Variants in NSMCE2 observed in about 807,000 individuals in gnomAD.
The protein encoded by NSMCE2 is E3 SUMO-protein ligase NSE2.
A neutral mutation model predicts 23.8 loss-of-function variants in NSMCE2; 24 were observed. That is an observed-to-expected ratio of 1.01 (90% CI 0.73 to 1.42). The LOEUF is 1.42. Among genes scored for constraint, NSMCE2 ranks in the 40% most tolerant of loss-of-function variants. NSMCE2 has a pLI of 0.00. For synonymous variants in NSMCE2, 92 were observed against 94.1 expected (o/e 0.98, Z 0.13); for missense variants, 284 against 296.5 (o/e 0.96, Z 0.31).
chr8:125,252,132 A>T (rs1826221541), intron 5 of NSMCE2, among the ~76,000 whole-genome samples: 1 of 152,216 alleles, frequency 6.6e-6, no homozygotes, highest in Admixed American at 6.5e-5. Context: ...AGAGGATAGC[A>T]CCAATTCTGG....
At chr8:125,149,110 C>A (rs78392402) in intron 3 of NSMCE2, among the ~76,000 whole-genome samples, 1 of 152,052 alleles carries the variant, frequency 6.6e-6, no homozygotes, top group Non-Finnish European at 1.5e-5. Flanking sequence ...CCTTTTCTCA[C>A]GCACCATTTT....
chr8:125,161,053 T>C (rs1821592097), intron 4 of NSMCE2, among the ~76,000 whole-genome samples: 1 of 152,142 alleles, frequency 6.6e-6, no homozygotes, highest in Non-Finnish European at 1.5e-5. Context: ...TGTGAATGGA[T>C]TTTATTTTTT....
intron 5 of NSMCE2, among the ~76,000 whole-genome samples, chr8:125,196,762 T>G (rs1253681683): frequency 6.6e-6 from 1 of 152,224 alleles, no homozygotes; most frequent in East Asian, 1.9e-4. Context: ...TTCTAGATCC[T>G]TGAGGAATTG....
intron 5 of NSMCE2, among the ~76,000 whole-genome samples, chr8:125,339,559 A>G (rs1830167132): frequency 6.6e-6 from 1 of 152,200 alleles, no homozygotes; most frequent in Admixed American, 6.5e-5. Flanking sequence ...AGATGCTCCT[A>G]TTCCCTAGTG....
chr8:125,101,928 A>C lies in NSMCE2; in HGVS notation c.-110-123A>C, dbSNP rs113308628. ...TTACAGGTTTTCAAAATAGTTTACTAATAAACTATTTTATTAGTATTTTTT... is the reference window on the plus strand; with the variant it reads ...TTACAGGTTTTCAAAATAGTTTACTCATAAACTATTTTATTAGTATTTTTT... On this transcript the variant is annotated intron_variant, in intron 1 of 7. Transcript: ENST00000287437. The C allele has an allele frequency of 6.7e-3, 1,049 of 156,240 alleles. 20 individuals are homozygous for C. The highest frequency in any genetic ancestry group is 0.024 in the African/African-American group (999 of 41,622). The allele number at this position is 156,240 out of a possible 1,614,324, so 9.7% of individuals were successfully genotyped here.
intron 5 of NSMCE2, among the ~76,000 whole-genome samples, chr8:125,337,835 C>G (rs190966430): frequency 1.5e-4 from 20 of 133,904 alleles, no homozygotes; most frequent in African/African-American, 5.2e-4. Flanking sequence ...GTGGAGGTTG[C>G]GGTGAGCCAA....
chr8:125,215,042 T>TTTA (rs56253114), intron 5 of NSMCE2, among the ~76,000 whole-genome samples: 2 of 149,936 alleles, frequency 1.3e-5, no homozygotes, highest in Non-Finnish European at 1.5e-5. Flanking sequence ...TTTTATTTTA[T>TTTA]TTATTATTAT....
At chr8:125,182,303 A>G (rs768201914) in intron 5 of NSMCE2, 47 bp downstream of exon 5, 4 of 1,459,042 alleles carry the variant, frequency 2.7e-6, no homozygotes, top group Middle Eastern at 1.8e-4. Flanking sequence ...AAATTAGGGA[A>G]CTGACTTGAT....
At chr8:125,136,944 G>A (rs1820098877) in intron 3 of NSMCE2, among the ~76,000 whole-genome samples, 1 of 152,010 alleles carries the variant, frequency 6.6e-6, no homozygotes, top group Non-Finnish European at 1.5e-5. Context: ...AGTGTGTGGA[G>A]GTGTAAATAT....
chr8:125,346,986 C>T (rs2131340899), intron 5 of NSMCE2, among the ~76,000 whole-genome samples: 1 of 152,278 alleles, frequency 6.6e-6, no homozygotes, highest in Admixed American at 6.5e-5. Flanking sequence ...CTTTCAAAAT[C>T]TTCAGAGGAG....
chr8:125,099,630 A>G (rs1262662671), intron 1 of NSMCE2, among the ~76,000 whole-genome samples: 1 of 152,118 alleles, frequency 6.6e-6, no homozygotes, highest in Non-Finnish European at 1.5e-5. Flanking sequence ...GATAGGTCAA[A>G]GGAGATAGGG....
In NSMCE2 at chr8:125,151,159, T is replaced by C. The variant is rs188520011; in HGVS notation, c.158-12T>C. 2.0e-6 allele frequency: 3 copies of C among 1,474,460 alleles called. No individual in the cohort carries two copies. The highest frequency in any genetic ancestry group is 2.8e-6 in the Non-Finnish European group (3 of 1,062,382). The allele number at this position is 1,474,460 out of a possible 1,614,324, so 91.3% of individuals were successfully genotyped here. On this transcript the variant is annotated splice_polypyrimidine_tract_variant and intron_variant, in intron 3 of 7. Coordinates refer to ENST00000287437, the MANE Select transcript of NSMCE2 (RefSeq NM_173685.4). Reference sequence around the variant, plus strand: ...AATGGAAAATAATAATTGCAATTTTTTTTTCTTTCAGCTGAAGTGAGTAGT... The same window carrying C: ...AATGGAAAATAATAATTGCAATTTTCTTTTCTTTCAGCTGAAGTGAGTAGT...
chr8:125,164,995 A>G (rs1465323926), intron 4 of NSMCE2, among the ~76,000 whole-genome samples: 5 of 152,204 alleles, frequency 3.3e-5, no homozygotes, highest in African/African-American at 1.2e-4. Context: ...GAAGACAGTG[A>G]TAAGGTCTGT....
chr8:125,240,650 C>T (rs1194692845), intron 5 of NSMCE2, among the ~76,000 whole-genome samples: 1 of 152,134 alleles, frequency 6.6e-6, no homozygotes, highest in East Asian at 1.9e-4. Context: ...GGCAATTTTA[C>T]CATAAGGCTT....
intron 3 of NSMCE2, among the ~76,000 whole-genome samples, chr8:125,125,248 A>G (rs1819457136): frequency 6.6e-6 from 1 of 152,110 alleles, no homozygotes; most frequent in South Asian, 2.1e-4. Flanking sequence ...CATCCTTTTT[A>G]CTGATCTTAG....
chr8:125,352,568 A>G (rs1053771900), intron 5 of NSMCE2, among the ~76,000 whole-genome samples: 1 of 152,138 alleles, frequency 6.6e-6, no homozygotes, highest in Non-Finnish European at 1.5e-5. Flanking sequence ...AGAAAATAGA[A>G]CAACACATTG....
At chr8:125,153,766 T>C (rs1336262006) in intron 4 of NSMCE2, among the ~76,000 whole-genome samples, 1 of 152,192 alleles carries the variant, frequency 6.6e-6, no homozygotes, top group Non-Finnish European at 1.5e-5. Context: ...ATAATGTATA[T>C]CAAAATGCTT....
intron 3 of NSMCE2, among the ~76,000 whole-genome samples, chr8:125,147,104 A>G (rs79819831): frequency 0.011 from 1,712 of 152,242 alleles, 65 homozygotes; most frequent in Admixed American, 0.077. Flanking sequence ...TTGTACAGCA[A>G]TGCTTTTCTC....
intron 5 of NSMCE2, among the ~76,000 whole-genome samples, chr8:125,251,665 G>A (rs974485479): frequency 2.0e-5 from 3 of 152,118 alleles, no homozygotes; most frequent in Non-Finnish European, 4.4e-5. Context: ...TTGGATGCCC[G>A]TTATGTCTTA....
Sources: allele counts gnomAD v4.1 joint callset (sites outside exome capture counted in the v4.1 genomes callset), GRCh38; gene constraint gnomAD v4.1.1; transcripts MANE v1.5; gene names NCBI Gene and HGNC (gene_info 2026-07-23, HGNC 2026-07-21).